DDN: variants seen among roughly 807,000 people sequenced by gnomAD.
DDN encodes the protein dendrin.
DDN carries 4 observed loss-of-function variants against 7.3 expected under a neutral mutation model. The ratio of observed to expected loss-of-function variants is 0.55; its 90% CI spans 0.27 to 1.25. The LOEUF (loss-of-function observed/expected upper bound fraction) is 1.25, where lower values mean the gene tolerates loss of function less well. DDN is among the 50% of genes most tolerant of loss of function. DDN has a pLI of 0.12. For synonymous variants in DDN, 425 were observed against 424.3 expected, an observed-to-expected ratio of 1.00 and a Z score of -0.02; for missense variants, 933 against 974.7, an observed-to-expected ratio of 0.96 and a Z score of 0.57.
chr12:48,998,971 G>C (rs1057510246), intron 1 of DDN, 108 bp downstream of exon 1: 1 of 1,279,000 alleles, frequency 7.8e-7, no homozygotes, highest in African/African-American at 1.5e-5. Context: ...GAGGTGGAAG[G>C]CGTGGGAAAG....
Position 48,997,998 on chromosome 12 carries a change from A to G in DDN, c.878T>C (p.Leu293Pro). The G allele has an allele frequency of 6.2e-7, 1 of 1,613,460 alleles. No homozygotes were observed. The highest frequency in any genetic ancestry group is 8.5e-7 in the Non-Finnish European group (1 of 1,180,000). ...GAWGLRQGQGLLGGSPGCGAA... is the reference protein window; with the variant it reads ...GAWGLRQGQGPLGGSPGCGAA... The stretch of plus-strand genomic sequence containing the variant: ...TCCACAGCCTGGGGATCCCCCCAAG[A>G]GACCTTGCCCCTGTCGGAGACCCCA... Residue 293 changes from leucine to proline, a missense_variant, in exon 2 of 2, where the codon CTC (leucine) becomes CCC (proline). Transcript: ENST00000421952.
chr12:48,998,103 G>T lies in DDN; in HGVS notation c.773C>A (p.Ala258Asp), dbSNP rs1486783966. 11 of 1,613,810 alleles carry T rather than the reference G, an allele frequency of 6.8e-6. No individual in the cohort carries two copies. In the Admixed American group the frequency reaches 1.8e-4, roughly 27 times the overall value. Residue 258 changes from alanine (A) to aspartate (D), a missense_variant, in exon 2 of 2, where the codon GCT becomes GAT. Transcript: ENST00000421952. ...TCCGTCTGTCCTGGCTGGAGTCGCA[G>T]CTGGGGCTGATGAAGTGGGCACCTG... ...NSQVPTSSAP[A>D]ATPARTDGGR... is the part of the protein sequence containing the mutation.
At position 48,998,416 on chromosome 12, in the gene DDN, C is replaced by A; in HGVS notation, c.460G>T (p.Ala154Ser). The A allele has an allele frequency of 6.6e-7, 1 of 1,506,504 alleles. No homozygotes were observed. The highest frequency in any genetic ancestry group is 8.8e-7 in the Non-Finnish European group (1 of 1,137,302). 93.3% of individuals were successfully genotyped at this position (1,506,504 alleles called of 1,614,324 possible). The stretch of plus-strand genomic sequence containing the variant: ...GGAGCAGGGAGCCCTGCCAGCTGGG[C>A]CACCCGAGGGGCGTTGCGGGGCTCC... ...RPEPRNAPRV[A>S]QLAGLPAPLR... The change falls in exon 2 of 2, where the codon GCC (alanine) becomes TCC (serine). Residue 154 changes from alanine (A) to serine (S), a missense_variant. Transcript: ENST00000421952.
In DDN at chr12:48,999,206, C is replaced by T. The variant is rs760883330; in HGVS notation, c.82G>A (p.Val28Met). ...ATCACCAATAGCTTGGACTTCTGCACCCAGAGGCAGCTGCCAGACTCCTCA... is the reference window on the plus strand; with the variant it reads ...ATCACCAATAGCTTGGACTTCTGCATCCAGAGGCAGCTGCCAGACTCCTCA... ...QDEESGSCLW[V>M]QKSKLLVIEV... is the part of the protein sequence containing the mutation. Residue 28 changes from valine to methionine, a missense_variant, in exon 1 of 2, where the codon GTG becomes ATG. Physicochemically the swap from Val to Met is conservative, Grantham distance 21 (BLOSUM62 1). Transcript: ENST00000421952. 6.2e-7 allele frequency: 1 copy of T among 1,607,248 alleles called. No individual in the cohort carries two copies. Among genetic ancestry groups the T allele is most frequent in the African/African-American group, 1.3e-5 (1 of 74,836 alleles).
Position 48,998,040 on chromosome 12 carries a change from C to A in DDN, c.836G>T (p.Arg279Leu). The A allele has an allele frequency of 6.2e-7, 1 of 1,613,888 alleles. No individual in the cohort carries two copies. The highest frequency in any genetic ancestry group is 8.5e-7 in the Non-Finnish European group (1 of 1,180,048). Residue 279 changes from arginine (R) to leucine (L), a missense_variant, in exon 2 of 2, where the codon CGG becomes CTG. Arg to Leu is a moderately radical substitution (Grantham distance 102, BLOSUM62 -2). Coordinates refer to ENST00000421952, the MANE Select transcript of DDN (RefSeq NM_015086.2). ...TKKRLDPRIYRDVLGAWGLRQ... is the reference protein window; with the variant it reads ...TKKRLDPRIYLDVLGAWGLRQ... Reference sequence around the variant, plus strand: ...GAGACCCCAAGCCCCGAGGACGTCCCGGTAGATCCGAGGATCCAGCCTCTT... The same window carrying A: ...GAGACCCCAAGCCCCGAGGACGTCCAGGTAGATCCGAGGATCCAGCCTCTT...
rs752257323 is a variant in DDN at position 48,999,230 on chromosome 12, C to G, written c.58G>C (p.Glu20Gln). ...GPDSPRELQD[E>Q]ESGSCLWVQK... is the part of the protein sequence containing the mutation. ...ACCCAGAGGCAGCTGCCAGACTCCTCATCCTGGAGCTCCCGGGGGCTGTCA... is the reference window on the plus strand; with the variant it reads ...ACCCAGAGGCAGCTGCCAGACTCCTGATCCTGGAGCTCCCGGGGGCTGTCA... Residue 20 changes from glutamate to glutamine, a missense_variant, in exon 1 of 2, where the codon GAG (glutamate) becomes CAG (glutamine). By Grantham distance (29) the Glu-to-Gln change is conservative. Transcript: ENST00000421952. The G allele has an allele frequency of 1.9e-6, 3 of 1,586,062 alleles. No individual in the cohort carries two copies. The highest frequency in any genetic ancestry group is 1.7e-4 in the Middle Eastern group (1 of 6,024).
In DDN at chr12:48,998,598, T is replaced by C; in HGVS notation, c.278A>G (p.Glu93Gly). 6.3e-7 allele frequency: 1 copy of C among 1,587,658 alleles called. No homozygotes were observed. Among genetic ancestry groups the C allele is most frequent in the South Asian group, 1.1e-5 (1 of 89,490 alleles). ...RRPWASRVLQ[E>G]ATNWRAGPLA... The stretch of plus-strand genomic sequence containing the variant: ...GGGCCCCGCCCGCCAGTTGGTCGCC[T>C]CCTGCAGCACCCTGGAGGCCCAGGG... The change falls in exon 2 of 2, where the codon GAG becomes GGG. Residue 93 changes from glutamate to glycine, a missense_variant. Physicochemically the swap from Glu to Gly is moderately conservative, Grantham distance 98. Transcript: ENST00000421952.
chr12:48,997,143 G>A lies in DDN; in HGVS notation c.1733C>T (p.Ser578Leu). The A allele has an allele frequency of 1.3e-6, 2 of 1,530,030 alleles. No homozygotes were observed. The highest frequency in any genetic ancestry group is 1.7e-6 in the Non-Finnish European group (2 of 1,143,442). The allele number at this position is 1,530,030 out of a possible 1,614,324, so 94.8% of individuals were successfully genotyped here. A position where few individuals can be genotyped will look rare whatever the true frequency, so the allele number is the denominator to read the frequency against. ...CCCCTCGGCTCTGCCCTGGGCTCCCGAAGCTGCTGGGCCTAAGGCTTGGTG... is the reference window on the plus strand; with the variant it reads ...CCCCTCGGCTCTGCCCTGGGCTCCCAAAGCTGCTGGGCCTAAGGCTTGGTG... The part of the protein sequence containing the change: ...PEHQALGPAA[S>L]GAQGRAEGSE... The change falls in exon 2 of 2, where the codon TCG becomes TTG. Residue 578 changes from serine (S) to leucine (L), a missense_variant. Transcript: ENST00000421952.
chr12:48,999,222 A>G lies in DDN; in HGVS notation c.66T>C (p.Ser22=). 2 of 1,595,920 alleles carry G rather than the reference A, an allele frequency of 1.3e-6. No homozygotes were observed. The highest frequency in any genetic ancestry group is 8.5e-7 in the Non-Finnish European group (1 of 1,171,216). The change falls in exon 1 of 2, where the codon TCT becomes TCC. Residue 22 remains serine, a synonymous_variant. Transcript: ENST00000421952. ...DSPRELQDEE[S]GSCLWVQKSK... The stretch of plus-strand genomic sequence containing the variant: ...ACTTCTGCACCCAGAGGCAGCTGCC[A>G]GACTCCTCATCCTGGAGCTCCCGGG...
Position 48,998,248 on chromosome 12 carries a change from TCAG to T in DDN, c.625_627del (p.Leu209del). 6.2e-7 allele frequency: 1 copy of T among 1,611,822 alleles called. No homozygotes were observed. The highest frequency in any genetic ancestry group is 2.2e-5 in the East Asian group (1 of 44,832). On this transcript the variant is annotated inframe_deletion, in exon 2 of 2. Coordinates refer to ENST00000421952, the MANE Select transcript of DDN (RefSeq NM_015086.2). ...CGTGGGGCGGTCCCGGCAGAACCTC[TCAG>T]CAGCAGGTGAGCCTCGTAGCTTGGG...
rs1159838023 is a variant in DDN, at chr12:48,996,286, T to C, written c.*454A>G. The C allele has an allele frequency of 1.3e-5, 2 of 154,206 alleles. No individual in the cohort carries two copies. The highest frequency in any genetic ancestry group is 4.8e-5 in the African/African-American group (2 of 41,482). The allele number at this position is 154,206 out of a possible 1,614,324, so 9.6% of individuals were successfully genotyped here. A position where few individuals can be genotyped will look rare whatever the true frequency, so the allele number is the denominator to read the frequency against. ...GTGAGCCCTCCTTCTGCTTTGTTGG[T>C]TGTTGCTGGACCTATGCCTCTTCTC... is the stretch of plus-strand genomic sequence containing the variant. On this transcript the variant is annotated 3_prime_UTR_variant, in exon 2 of 2. Coordinates refer to ENST00000421952, the MANE Select transcript of DDN (RefSeq NM_015086.2).
In DDN at chr12:48,997,582, C is replaced by T; in HGVS notation, c.1294G>A (p.Ala432Thr). ...AGPETLEGWK[A>T]TRRAHTLPRS... ...GGCAAGGTGTGGGCACGGCGGGTCG[C>T]CTTCCAACCCTCCAGGGTCTCCGGT... Residue 432 changes from alanine to threonine, a missense_variant, in exon 2 of 2, where the codon GCG (alanine) becomes ACG (threonine). Coordinates refer to ENST00000421952, the MANE Select transcript of DDN (RefSeq NM_015086.2). 1 of 1,582,218 alleles carries T rather than the reference C, an allele frequency of 6.3e-7. No individual in the cohort carries two copies.
At position 48,997,088 on chromosome 12, in the gene DDN, G is replaced by T; in HGVS notation, c.1788C>A (p.Ala596=). 6.6e-7 allele frequency: 1 copy of T among 1,523,380 alleles called. No homozygotes were observed. Among genetic ancestry groups the T allele is most frequent in the Non-Finnish European group, 8.7e-7 (1 of 1,143,804 alleles). 94.4% of individuals were successfully genotyped at this position (1,523,380 alleles called of 1,614,324 possible). Residue 596 remains alanine (A), a synonymous_variant, in exon 2 of 2, where the codon GCC becomes GCA. Coordinates refer to ENST00000421952, the MANE Select transcript of DDN (RefSeq NM_015086.2). ...CTGGGGTCCGCGCCCAGCCCCGGCCGGCGCGCCGCTGGACCACCGCCACTT... is the reference window on the plus strand; with the variant it reads ...CTGGGGTCCGCGCCCAGCCCCGGCCTGCGCGCCGCTGGACCACCGCCACTT... ...GSEVAVVQRR[A]GRGWARTPGP...
At position 48,996,890 on chromosome 12, in the gene DDN, A is replaced by T; in HGVS notation, c.1986T>A (p.Val662=). ...CATCTTCCTCTGGCGAACTGTTTCC[A>T]ACCTCGGGCAGGGTCCTCTCATTCC... ...SWRNERTLPE[V]GNSSPEEDGK... The change falls in exon 2 of 2, where the codon GTT becomes GTA. Residue 662 remains valine (V), a synonymous_variant. Coordinates refer to ENST00000421952, the MANE Select transcript of DDN (RefSeq NM_015086.2). 1 of 1,613,854 alleles carries T rather than the reference A, an allele frequency of 6.2e-7. No individual in the cohort carries two copies. The highest frequency in any genetic ancestry group is 1.1e-5 in the South Asian group (1 of 91,042).
At position 48,998,456 on chromosome 12, in the gene DDN, C is replaced by T. The variant is rs182153642; in HGVS notation, c.420G>A (p.Pro140=). 1 of 1,553,366 alleles carries T rather than the reference C, an allele frequency of 6.4e-7. No individual in the cohort carries two copies. Among genetic ancestry groups the T allele is most frequent in the African/African-American group, 1.4e-5 (1 of 71,132 alleles). Residue 140 remains proline (P), a synonymous_variant, in exon 2 of 2, where the codon CCG becomes CCA. Transcript: ENST00000421952. ...RKAGGARRSP[P]GRPRPEPRNA... The stretch of plus-strand genomic sequence containing the variant: ...TGCGGGGCTCCGGGCGGGGTCGACC[C>T]GGGGGGCTCCGTCGGGCCCCACCAG...
In DDN at chr12:48,997,900, T is replaced by C; in HGVS notation, c.976A>G (p.Asn326Asp). 1 of 1,612,752 alleles carries C rather than the reference T, an allele frequency of 6.2e-7. No individual in the cohort carries two copies. Among genetic ancestry groups the C allele is most frequent in the Non-Finnish European group, 8.5e-7 (1 of 1,179,980 alleles). Residue 326 changes from asparagine to aspartate, a missense_variant, in exon 2 of 2, where the codon AAC becomes GAC. By Grantham distance (23) the Asn-to-Asp change is conservative (BLOSUM62 1). Transcript: ENST00000421952. ...KSLGLAAADL[N>D]SGSDSHPQAK... is the part of the protein sequence containing the mutation. ...TGGGGATGGCTGTCGCTACCACTGT[T>C]CAGGTCAGCAGCAGCCAGCCCCAGG...
Position 48,998,637 on chromosome 12 carries a change from G to A in DDN, c.239C>T (p.Pro80Leu). The A allele has an allele frequency of 6.5e-7, 1 of 1,536,156 alleles. No individual in the cohort carries two copies. The highest frequency in any genetic ancestry group is 8.7e-7 in the Non-Finnish European group (1 of 1,151,166). ...GGAGGCCCAGGGCCGGCGGGGCGGC[G>A]GCTGTGGGGATCCCGGGCGCGGCCC... ...TCGPRPGSPQ[P>L]PPRRPWASRV... The change falls in exon 2 of 2, where the codon CCG becomes CTG. Residue 80 changes from proline to leucine, a missense_variant. Pro to Leu is a moderately conservative substitution (Grantham distance 98). Coordinates refer to ENST00000421952, the MANE Select transcript of DDN (RefSeq NM_015086.2).
rs144149918 is a variant in DDN at position 48,996,905 on chromosome 12, C to A, written c.1971G>T (p.Arg657Ser). 1.2e-6 allele frequency: 2 copies of A among 1,612,550 alleles called. No individual in the cohort carries two copies. Among genetic ancestry groups the A allele is most frequent in the Non-Finnish European group, 1.7e-6 (2 of 1,179,340 alleles). Residue 657 changes from arginine to serine, a missense_variant, in exon 2 of 2, where the codon AGG (arginine) becomes AGT (serine). Transcript: ENST00000421952. The part of the protein sequence containing the change: ...EAPGASWRNE[R>S]TLPEVGNSSP... ...AACTGTTTCCAACCTCGGGCAGGGT[C>A]CTCTCATTCCGCCAGGAGGCGCCCG...
chr12:48,998,724 C>G, intron 1 of DDN, 58 bp from the exon 2 acceptor site: 2 of 1,433,986 alleles, frequency 1.4e-6, no homozygotes, highest in East Asian at 2.5e-5. Flanking sequence ...AGCCGAGGTC[C>G]GGGGAGCTGG....
Sources: allele counts gnomAD v4.1 joint callset, GRCh38; gene constraint gnomAD v4.1.1; transcripts MANE v1.5; gene names NCBI Gene and HGNC (gene_info 2026-07-23, HGNC 2026-07-21).